The following PRKG1 variants were observed in gnomAD, a reference collection of about 807,000 sequenced individuals.
PRKG1 encodes the protein cGMP-dependent protein kinase 1.
A neutral mutation model predicts 88.1 loss-of-function variants in PRKG1; 35 were observed. The observed-to-expected ratio is 0.40, with a 90% CI of 0.30 to 0.53. The LOEUF (loss-of-function observed/expected upper bound fraction) is 0.53. Ranked by LOEUF, PRKG1 falls within the 20% of genes least tolerant of loss-of-function variation. The pLI is 0.59. For missense variants in PRKG1, 540 were observed against 839.8 expected (o/e 0.64, Z 4.41); for synonymous variants, 303 against 292.5 (o/e 1.04, Z -0.37).
At chr10:51,888,845 G>C (rs1405978622) in intron 4 of PRKG1, among the ~76,000 whole-genome samples, 1 of 152,108 alleles carries the variant, frequency 6.6e-6, no homozygotes, top group Non-Finnish European at 1.5e-5. Context: ...ACAATAAAAT[G>C]AACTAGTTCA....
intron 1 of PRKG1, among the ~76,000 whole-genome samples, chr10:51,042,800 A>G (rs1030197115): frequency 2.0e-5 from 3 of 152,086 alleles, no homozygotes; most frequent in Non-Finnish European, 4.4e-5. Flanking sequence ...TCCCAATGTG[A>G]TGGTATTTGG....
intron 2 of PRKG1, among the ~76,000 whole-genome samples, chr10:51,259,686 G>A (rs1839654123): frequency 6.6e-6 from 1 of 152,136 alleles, no homozygotes; most frequent in African/African-American, 2.4e-5. Flanking sequence ...ATGTTGGCCA[G>A]GCTGGTCTCG....
intron 1 of PRKG1, among the ~76,000 whole-genome samples, chr10:51,089,482 G>A (rs888245101): frequency 5.6e-4 from 86 of 152,226 alleles, no homozygotes; most frequent in African/African-American, 2.0e-3. Context: ...TTAACTAGGT[G>A]CTTGCCTCAA....
At chr10:51,599,284 G>A (rs745333312) in intron 3 of PRKG1, among the ~76,000 whole-genome samples, 11 of 152,042 alleles carry the variant, frequency 7.2e-5, no homozygotes, top group Non-Finnish European at 4.4e-5. Context: ...GTGGGTAGTG[G>A]CCAGAGGCAC....
At chr10:52,107,620 T>C (rs1685210111) in intron 7 of PRKG1, among the ~76,000 whole-genome samples, 1 of 152,190 alleles carries the variant, frequency 6.6e-6, no homozygotes, top group South Asian at 2.1e-4. Flanking sequence ...CTTTGTCTCC[T>C]GTCTCAATGC....
At chr10:51,267,338 T>C (rs1316983112) in intron 2 of PRKG1, among the ~76,000 whole-genome samples, 3 of 152,216 alleles carry the variant, frequency 2.0e-5, no homozygotes, top group Non-Finnish European at 2.9e-5. Flanking sequence ...AACTTTCTTA[T>C]GCCAATTATT....
intron 3 of PRKG1, among the ~76,000 whole-genome samples, chr10:51,763,901 C>G (rs1037056980): frequency 6.6e-6 from 1 of 152,100 alleles, no homozygotes; most frequent in Non-Finnish European, 1.5e-5. Flanking sequence ...GATCTCTCTC[C>G]TTTTTCTTAT....
chr10:51,765,529 T>C (rs933486974), intron 3 of PRKG1, among the ~76,000 whole-genome samples: 2 of 152,234 alleles, frequency 1.3e-5, no homozygotes, highest in African/African-American at 2.4e-5. Context: ...TTAATTATTC[T>C]GCCTGTCCTG....
chr10:51,146,425 A>G (rs975478268), intron 1 of PRKG1, among the ~76,000 whole-genome samples: 3 of 44,960 alleles, frequency 6.7e-5, no homozygotes, highest in Admixed American at 1.8e-4. Flanking sequence ...TTTTAATCAA[A>G]TTATTATTAT....
At chr10:51,551,582 G>A (rs1267456997) in intron 3 of PRKG1, among the ~76,000 whole-genome samples, 6 of 151,654 alleles carry the variant, frequency 4.0e-5, no homozygotes, top group Non-Finnish European at 8.9e-5. Flanking sequence ...ATTTGCTGTG[G>A]CAGATAAATA....
chr10:51,697,651 G>C, intron 3 of PRKG1: 1 of 1,584,146 alleles, frequency 6.3e-7, no homozygotes, highest in Non-Finnish European at 8.6e-7. Flanking sequence ...CATTCTCCAT[G>C]CTACAGAATA....
intron 1 of PRKG1, among the ~76,000 whole-genome samples, chr10:51,141,808 TACA>T (rs1845827266): frequency 2.0e-5 from 3 of 152,184 alleles, no homozygotes; most frequent in African/African-American, 4.8e-5. Context: ...TTACAAATTG[TACA>T]TATTACATTT....
chr10:51,734,962 C>T (rs958865287), intron 3 of PRKG1, among the ~76,000 whole-genome samples: 5 of 152,082 alleles, frequency 3.3e-5, no homozygotes, highest in Admixed American at 6.6e-5. Flanking sequence ...CAGGAAAGTA[C>T]CGGTCATTCT....
chr10:51,929,313 C>G (rs1170429414), intron 5 of PRKG1, among the ~76,000 whole-genome samples: 1 of 150,730 alleles, frequency 6.6e-6, no homozygotes, highest in African/African-American at 2.4e-5. Flanking sequence ...AATCTTCTTC[C>G]TAGCATTGCC....
chr10:51,277,658 G>A (rs1461497860), intron 2 of PRKG1, among the ~76,000 whole-genome samples: 2 of 152,156 alleles, frequency 1.3e-5, no homozygotes, highest in African/African-American at 4.8e-5. Flanking sequence ...AGTTCTCCTT[G>A]AAGAGGTCCT....
At chr10:51,087,174 T>G (rs1844274353) in intron 1 of PRKG1, among the ~76,000 whole-genome samples, 2 of 152,134 alleles carry the variant, frequency 1.3e-5, no homozygotes, top group South Asian at 4.1e-4. Context: ...TAGGCTCACT[T>G]TTTTTTCTTC....
intron 3 of PRKG1, among the ~76,000 whole-genome samples, chr10:51,578,338 G>A (rs964350773): frequency 6.6e-6 from 1 of 151,892 alleles, no homozygotes; most frequent in African/African-American, 2.4e-5. Flanking sequence ...ACTATTTTTA[G>A]GTTGTAATTC....
chr10:51,527,856 G>C (rs1207692488), intron 3 of PRKG1, among the ~76,000 whole-genome samples: 1 of 152,124 alleles, frequency 6.6e-6, no homozygotes, highest in Non-Finnish European at 1.5e-5. Context: ...TATCTCCCTA[G>C]TTAAGTAAAT....
chr10:51,420,896 G>C (rs1034729482), intron 2 of PRKG1, among the ~76,000 whole-genome samples: 39 of 152,146 alleles, frequency 2.6e-4, no homozygotes, highest in African/African-American at 8.7e-4. Flanking sequence ...GAGTAAGAGA[G>C]GGAGTGGGGA....
Sources: allele counts gnomAD v4.1 joint callset (sites outside exome capture counted in the v4.1 genomes callset), GRCh38; gene constraint gnomAD v4.1.1; transcripts MANE v1.5; gene names NCBI Gene and HGNC (gene_info 2026-07-23, HGNC 2026-07-21).